PCBP2: variants seen among roughly 807,000 people sequenced by gnomAD.
PCBP2 encodes the protein poly(rC) binding protein 2, also known as poly(rC)-binding protein 2.
A neutral mutation model predicts 50.1 loss-of-function variants in PCBP2; 4 were observed. That is an observed-to-expected ratio of 0.08 (90% CI 0.04 to 0.18). The LOEUF is 0.18. Ranked by LOEUF, PCBP2 falls within the 10% of genes least tolerant of loss-of-function variation. The probability of loss-of-function intolerance (pLI) is 1.00; values close to 1 mark genes in which losing one functional copy is unlikely to be tolerated. For synonymous variants in PCBP2, 179 were observed against 168.0 expected, an observed-to-expected ratio of 1.07 and a Z score of -0.51; for missense variants, 161 against 474.3, an observed-to-expected ratio of 0.34 and a Z score of 6.14.
intron 11 of PCBP2, 93 bp from the exon 12 acceptor site, chr12:53,467,712 G>A: frequency 1.0e-6 from 1 of 987,238 alleles, no homozygotes; most frequent in Admixed American, 2.2e-5. Flanking sequence ...TTTTTATTTT[G>A]TTTCGTTTTT....
At chr12:53,472,280 C>T (rs532125569) in intron 14 of PCBP2, among the ~76,000 whole-genome samples, 79 of 152,288 alleles carry the variant, frequency 5.2e-4, no homozygotes, top group African/African-American at 1.9e-3. Flanking sequence ...ACCCATTTTT[C>T]TCACACTGCA....
rs1342666060 is a variant in PCBP2, at chr12:53,480,058, C to G, written c.*616C>G. 1 of 151,992 alleles carries G rather than the reference C, an allele frequency of 6.6e-6. No homozygotes were observed. Among genetic ancestry groups the G allele is most frequent in the Non-Finnish European group, 1.5e-5 (1 of 68,062 alleles). The allele number at this position is 151,992 out of a possible 1,614,324, so 9.4% of individuals were successfully genotyped here. The stretch of plus-strand genomic sequence containing the variant: ...CCCAAAAGATTGAGGATTAGACTTT[C>G]CGAGGACTTACCTGTCCTAGGGGAG... On this transcript the variant is annotated 3_prime_UTR_variant, in exon 15 of 15. Coordinates refer to ENST00000546463, the MANE Select transcript of PCBP2 (RefSeq NM_031989.5).
Position 53,476,895 on chromosome 12 carries a change from T to TC in PCBP2, c.1053-2505dup, listed in dbSNP as rs1429392143. Among the ~76,000 whole-genome samples, 17 of 152,174 alleles carry TC rather than the reference T, an allele frequency of 1.1e-4. No homozygotes were observed. In the East Asian group the frequency reaches 2.1e-3, roughly 19 times the overall value. Reference sequence around the variant, plus strand: ...AGGACTTAATCATGCTGATACCATCTCCCCCCAGGGATGTGGTTTTATCTA... The same window carrying TC: ...AGGACTTAATCATGCTGATACCATCTCCCCCCCAGGGATGTGGTTTTATCTA... On this transcript the variant is annotated intron_variant, in intron 14 of 14. Coordinates refer to ENST00000546463, the MANE Select transcript of PCBP2 (RefSeq NM_031989.5).
chr12:53,474,647 T>C (rs1349248972), intron 14 of PCBP2, among the ~76,000 whole-genome samples: 7 of 152,214 alleles, frequency 4.6e-5, no homozygotes, highest in African/African-American at 1.7e-4. Context: ...TTCTTCACCA[T>C]AGCAGTTTTT....
rs1157887649 is a variant in PCBP2 at position 53,452,150 on chromosome 12, TCCCG to T, written c.-290_-287del. 5 of 51,134 alleles carry T rather than the reference TCCCG, an allele frequency of 9.8e-5. No individual in the cohort carries two copies. Among genetic ancestry groups the T allele is most frequent in the Admixed American group, 2.8e-4 (1 of 3,562 alleles). 3.2% of individuals were successfully genotyped at this position (51,134 alleles called of 1,614,324 possible). On this transcript the variant is annotated 5_prime_UTR_variant, in exon 1 of 15. Transcript: ENST00000546463. ...CGGAGCAGCCGCAGCCTGCGCCCTC[TCCCG>T]CCCGCCCGCCCTCCGCCCGCCCGCC... is the stretch of plus-strand genomic sequence containing the variant.
chr12:53,481,149 T>C lies in PCBP2; in HGVS notation c.*1707T>C, dbSNP rs774850980. ...TGTATATATATATAATTTATATAAA[T>C]ATTTCTCTATGTACAAGGAATACGA... On this transcript the variant is annotated 3_prime_UTR_variant, in exon 15 of 15. Transcript: ENST00000546463. The C allele has an allele frequency of 7.7e-5, 77 of 999,168 alleles. No individual in the cohort carries two copies. Among genetic ancestry groups the C allele is most frequent in the Admixed American group, 6.6e-4 (18 of 27,198 alleles). 61.9% of individuals were successfully genotyped at this position (999,168 alleles called of 1,614,324 possible).
intron 5 of PCBP2, among the ~76,000 whole-genome samples, chr12:53,457,518 A>G (rs1223738292): frequency 1.3e-5 from 2 of 151,618 alleles, no homozygotes; most frequent in Admixed American, 1.3e-4. Context: ...GCTAGTTTTC[A>G]TGGGTTTTGT....
chr12:53,467,608 G>T, intron 11 of PCBP2, 197 bp from the exon 12 acceptor site: 1 of 628,120 alleles, frequency 1.6e-6, no homozygotes, highest in South Asian at 1.9e-5. Flanking sequence ...GATCTGATCA[G>T]CACCCCCTTT....
At chr12:53,455,775 T>C in intron 4 of PCBP2, 110 bp from the exon 5 acceptor site, 1 of 776,564 alleles carries the variant, frequency 1.3e-6, no homozygotes, top group Non-Finnish European at 2.2e-6. Flanking sequence ...ATGCTGACTT[T>C]GCTTTGCATC....
chr12:53,455,765 A>T (rs1308693650), intron 4 of PCBP2, 120 bp from the exon 5 acceptor site: 1 of 753,436 alleles, frequency 1.3e-6, no homozygotes, highest in Non-Finnish European at 2.3e-6. Context: ...GTTTGGAATG[A>T]TGCTGACTTT....
chr12:53,475,498 A>G (rs752359598), intron 14 of PCBP2: 10 of 251,220 alleles, frequency 4.0e-5, no homozygotes, highest in African/African-American at 1.2e-4. Flanking sequence ...CTGCCTTGCA[A>G]TATAACAATG....
chr12:53,475,609 A>G (rs1277980006), intron 14 of PCBP2: 3 of 168,890 alleles, frequency 1.8e-5, no homozygotes, highest in Non-Finnish European at 3.8e-5. Context: ...CTTCTTGGCC[A>G]TATTTGTGTT....
Position 53,456,147 on chromosome 12 carries a change from A to G in PCBP2, c.243+146A>G, listed in dbSNP as rs1336999724. ...CCTTAGCTTCCTGTAGCCTCCCACA[A>G]AATTCGAGCATTTGTAGTTTAAAAA... is the stretch of plus-strand genomic sequence containing the variant. On this transcript the variant is annotated intron_variant, in intron 5 of 14. Coordinates refer to ENST00000546463, the MANE Select transcript of PCBP2 (RefSeq NM_031989.5). The G allele has an allele frequency of 6.2e-6, 4 of 650,356 alleles. No homozygotes were observed. In the Admixed American group the frequency reaches 9.6e-5, roughly 16 times the overall value. 40.3% of individuals were successfully genotyped at this position (650,356 alleles called of 1,614,324 possible).
chr12:53,460,626 C>T (rs902635628), intron 6 of PCBP2: 2 of 224,684 alleles, frequency 8.9e-6, no homozygotes, highest in African/African-American at 4.7e-5. Context: ...AAGCACTTCT[C>T]ATGGTACCTG....
chr12:53,463,028 T>G lies in PCBP2; in HGVS notation c.579+461T>G, dbSNP rs368720393. ...ACCTCACCTCCCCTACTCCTACCCC[T>G]TCACTCCCAAACTCCAGTGTGTTGT... On this transcript the variant is annotated intron_variant, in intron 8 of 14. Coordinates refer to ENST00000546463, the MANE Select transcript of PCBP2 (RefSeq NM_031989.5). Among the ~76,000 whole-genome samples, 5 of 152,228 alleles carry G rather than the reference T, an allele frequency of 3.3e-5. No individual in the cohort carries two copies. The East Asian group carries it at 9.7e-4, about 29-fold the overall frequency.
intron 7 of PCBP2, among the ~76,000 whole-genome samples, chr12:53,461,455 AAATTACTTTTTG>A (rs1941438215): frequency 6.6e-6 from 1 of 152,226 alleles, no homozygotes; most frequent in Admixed American, 6.5e-5. Context: ...TAGCTGAGTT[AAATTACTTTTTG>A]AATTACTGTA....
At chr12:53,458,656 T>C (rs932113098) in intron 5 of PCBP2, among the ~76,000 whole-genome samples, 1 of 151,968 alleles carries the variant, frequency 6.6e-6, no homozygotes, top group Non-Finnish European at 1.5e-5. Flanking sequence ...TTTTTTTTTT[T>C]TTTGAGATAG....
At position 53,467,982 on chromosome 12, in the gene PCBP2, C is replaced by T. The variant is rs1393363919; in HGVS notation, c.826+139C>T. The T allele has an allele frequency of 4.3e-6, 3 of 705,736 alleles. No individual in the cohort carries two copies. The African/African-American group carries it at 5.4e-5, about 13-fold the overall frequency. The allele number at this position is 705,736 out of a possible 1,614,324, so 43.7% of individuals were successfully genotyped here. A position where few individuals can be genotyped will look rare whatever the true frequency, so the allele number is the denominator to read the frequency against. Reference sequence around the variant, plus strand: ...GAGCTGAGAGAGCAAAGGGGTGGGCCTGGAGCCCCCGAGGGTCCCTTGATG... The same window carrying T: ...GAGCTGAGAGAGCAAAGGGGTGGGCTTGGAGCCCCCGAGGGTCCCTTGATG... On this transcript the variant is annotated intron_variant, in intron 12 of 14. Transcript: ENST00000546463.
intron 4 of PCBP2, 54 bp downstream of exon 4, chr12:53,455,547 A>AT (rs1940941461): frequency 6.4e-7 from 1 of 1,568,532 alleles, no homozygotes; most frequent in Non-Finnish European, 8.8e-7. Context: ...AACCTTTAAA[A>AT]CAAGTGAAAA....
Sources: allele counts gnomAD v4.1 joint callset (sites outside exome capture counted in the v4.1 genomes callset), GRCh38; gene constraint gnomAD v4.1.1; transcripts MANE v1.5; gene names NCBI Gene and HGNC (gene_info 2026-07-23, HGNC 2026-07-21).